Variants in PPP1R14A observed in about 807,000 individuals in gnomAD.
PPP1R14A encodes the protein protein phosphatase 1 regulatory inhibitor subunit 14A.
PPP1R14A carries 9 observed loss-of-function variants against 14.1 expected under a neutral mutation model. The ratio of observed to expected loss-of-function variants is 0.64; its 90% confidence interval spans 0.38 to 1.11. The LOEUF is 1.11. PPP1R14A is among the 50% of genes most tolerant of loss of function. The pLI, the probability that PPP1R14A is intolerant of heterozygous loss-of-function variation, is 0.01. For synonymous variants in PPP1R14A, 93 were observed against 88.7 expected (o/e 1.05, Z -0.27); for missense variants, 208 against 200.7 (o/e 1.04, Z -0.22).
At chr19:38,254,218 G>A (rs922044859) in intron 1 of PPP1R14A, among the ~76,000 whole-genome samples, 2 of 152,196 alleles carry the variant, frequency 1.3e-5, no homozygotes, top group Admixed American at 6.5e-5. Flanking sequence ...CTGTAATCCT[G>A]ACATTTTGGG....
intron 3 of PPP1R14A, among the ~76,000 whole-genome samples, 162 bp from the exon 4 acceptor site, chr19:38,251,608 G>A (rs1968191360): frequency 6.6e-6 from 1 of 152,068 alleles, no homozygotes; most frequent in African/African-American, 2.4e-5. Context: ...AAGTGAGCCG[G>A]GAGAAAGACA....
At chr19:38,253,176 G>A (rs1203659332) in intron 1 of PPP1R14A, 4 of 570,544 alleles carry the variant, frequency 7.0e-6, no homozygotes, top group South Asian at 2.0e-5. Context: ...AGAGAGCCCC[G>A]GGGCCCTGTA....
In PPP1R14A at chr19:38,252,207, G is replaced by A; in HGVS notation, c.315+99C>T. ...GTTGGGGCCGGGGGTGGTGGGGCCGGGTGGTGTTCCCCAGAGACCCTTCTG... is the reference window on the plus strand; with the variant it reads ...GTTGGGGCCGGGGGTGGTGGGGCCGAGTGGTGTTCCCCAGAGACCCTTCTG... On this transcript the variant is annotated intron_variant, in intron 3 of 3. Coordinates refer to ENST00000301242, the MANE Select transcript of PPP1R14A (RefSeq NM_033256.3). This position sits in a 1 kb window ranked among gnomAD's most constrained non-coding sequence, Gnocchi z 4.1. The A allele has an allele frequency of 8.3e-7, 1 of 1,205,308 alleles. No homozygotes were observed. Among genetic ancestry groups the A allele is most frequent in the Non-Finnish European group, 1.2e-6 (1 of 835,330 alleles). The allele number at this position is 1,205,308 out of a possible 1,614,324, so 74.7% of individuals were successfully genotyped here. A position where few individuals can be genotyped will look rare whatever the true frequency, so the allele number is the denominator to read the frequency against.
chr19:38,254,637 G>T (rs547824711), intron 1 of PPP1R14A, among the ~76,000 whole-genome samples: 1 of 152,006 alleles, frequency 6.6e-6, no homozygotes, highest in African/African-American at 2.4e-5. Context: ...AAAGAAAAAA[G>T]AAGTCACTGA....
chr19:38,251,544 C>G (rs1406489343), intron 3 of PPP1R14A, 98 bp from the exon 4 acceptor site: 1 of 1,053,374 alleles, frequency 9.5e-7, no homozygotes, highest in Non-Finnish European at 1.3e-6. Flanking sequence ...TCCTCCTGTT[C>G]TCTGATTGTG....
At chr19:38,255,228 A>G (rs753832068) in intron 1 of PPP1R14A, among the ~76,000 whole-genome samples, 2 of 152,062 alleles carry the variant, frequency 1.3e-5, no homozygotes, top group Non-Finnish European at 2.9e-5. Context: ...GGCTCAAGCA[A>G]TCCTCCCACC....
At chr19:38,251,838 T>G in intron 3 of PPP1R14A, 2 of 332,406 alleles carry the variant, frequency 6.0e-6, no homozygotes, top group Non-Finnish European at 5.5e-6. Context: ...AGAAATGCAA[T>G]GACGTTTGTC....
rs1248921295 is a variant in PPP1R14A at position 38,251,462 on chromosome 19, G to C, written c.316-16C>G. 1.9e-6 allele frequency: 3 copies of C among 1,558,002 alleles called. No individual in the cohort carries two copies. The highest frequency in any genetic ancestry group is 2.6e-6 in the Non-Finnish European group (3 of 1,161,628). ...GGATGAAGTCCTGAGACAGGGTGGG[G>C]GAGCTGAGAACATGGGAACAGTGCG... On this transcript the variant is annotated splice_polypyrimidine_tract_variant and intron_variant, in intron 3 of 3. Coordinates refer to ENST00000301242, the MANE Select transcript of PPP1R14A (RefSeq NM_033256.3).
chr19:38,251,789 A>G (rs1466283513), intron 3 of PPP1R14A: 1 of 368,884 alleles, frequency 2.7e-6, no homozygotes, highest in Non-Finnish European at 4.8e-6. Flanking sequence ...AAACAGAGAC[A>G]TGTGGAGACA....
chr19:38,253,105 G>A (rs548619046), intron 1 of PPP1R14A, 131 bp from the exon 2 acceptor site: 46 of 694,996 alleles, frequency 6.6e-5, no homozygotes, highest in Middle Eastern at 4.1e-4. Context: ...GTGGCAGTCC[G>A]GGACAGCACT....
At chr19:38,255,608 T>G in intron 1 of PPP1R14A, among the ~76,000 whole-genome samples, 1 of 151,516 alleles carries the variant, frequency 6.6e-6, no homozygotes, top group Non-Finnish European at 1.5e-5. Flanking sequence ...GTAGCATATG[T>G]TGAACTGTAG....
Position 38,251,407 on chromosome 19 carries a change from G to A in PPP1R14A, c.355C>T (p.His119Tyr). The A allele has an allele frequency of 1.9e-6, 3 of 1,565,122 alleles. No individual in the cohort carries two copies. The highest frequency in any genetic ancestry group is 2.6e-6 in the Non-Finnish European group (3 of 1,163,210). The change falls in exon 4 of 4, where the codon CAC becomes TAC. Residue 119 changes from histidine (H) to tyrosine (Y), a missense_variant. Transcript: ENST00000301242. ...QELLAKLQGL[H>Y]RQPGLRQPSP... Reference sequence around the variant, plus strand: ...GGCTGGCGGAGGCCGGGCTGCCTGTGGAGGCCTTGAAGCTTTGCCAGCAGC... The same window carrying A: ...GGCTGGCGGAGGCCGGGCTGCCTGTAGAGGCCTTGAAGCTTTGCCAGCAGC...
At chr19:38,254,655 A>C (rs546538585) in intron 1 of PPP1R14A, among the ~76,000 whole-genome samples, 13 of 152,044 alleles carry the variant, frequency 8.6e-5, no homozygotes, top group Non-Finnish European at 1.6e-4. Flanking sequence ...TGAAAGTGTG[A>C]CTTCAAGCAG....
chr19:38,252,109 G>C lies in PPP1R14A; in HGVS notation c.315+197C>G, dbSNP rs1368928579. 5 of 612,034 alleles carry C rather than the reference G, an allele frequency of 8.2e-6. No individual in the cohort carries two copies. The highest frequency in any genetic ancestry group is 1.5e-5 in the Non-Finnish European group (5 of 344,662). The allele number at this position is 612,034 out of a possible 1,614,324, so 37.9% of individuals were successfully genotyped here. On this transcript the variant is annotated intron_variant, in intron 3 of 3. Transcript: ENST00000301242. This position sits in a 1 kb window ranked among gnomAD's most constrained non-coding sequence, Gnocchi z 4.1. ...CAGAATGGAGCCCCCTCAGCAGATG[G>C]GGGAGAGAGGGAGAGAGACAAGTAG...
At chr19:38,253,500 G>A (rs924055576) in intron 1 of PPP1R14A, among the ~76,000 whole-genome samples, 3 of 152,176 alleles carry the variant, frequency 2.0e-5, no homozygotes, top group Admixed American at 6.5e-5. Flanking sequence ...TGGTGAGACC[G>A]AAGGGAGGAC....
rs1341406621 is a variant in PPP1R14A, at chr19:38,253,225, G to A, written c.202-251C>T. ...TGGGCCCATGGGCCCCGGGAGCCTC[G>A]GGGCTGGCACGGGTCTCTCGCCTTG... On this transcript the variant is annotated intron_variant, in intron 1 of 3. Coordinates refer to ENST00000301242, the MANE Select transcript of PPP1R14A (RefSeq NM_033256.3). 7.3e-5 allele frequency: 35 copies of A among 476,566 alleles called. No homozygotes were observed. In the East Asian group the frequency reaches 8.2e-4, roughly 11 times the overall value. The allele number at this position is 476,566 out of a possible 1,614,324, so 29.5% of individuals were successfully genotyped here. A position where few individuals can be genotyped will look rare whatever the true frequency, so the allele number is the denominator to read the frequency against.
In PPP1R14A at chr19:38,252,862, T is replaced by G. The variant is rs369758581; in HGVS notation, c.282+32A>C. 1 of 1,501,436 alleles carries G rather than the reference T, an allele frequency of 6.7e-7. No individual in the cohort carries two copies. The highest frequency in any genetic ancestry group is 9.3e-7 in the Non-Finnish European group (1 of 1,077,362). 93.0% of individuals were successfully genotyped at this position (1,501,436 alleles called of 1,614,324 possible). The stretch of plus-strand genomic sequence containing the variant: ...CTATTATTTTTAGGGAGGTGCAAAG[T>G]GGGAGGCTGGGGGACACGTCCCCCC... On this transcript the variant is annotated intron_variant, in intron 2 of 3. Transcript: ENST00000301242. The surrounding 1 kb of genome is among the most constrained non-coding windows in gnomAD (Gnocchi z 4.1).
At position 38,251,425 on chromosome 19, in the gene PPP1R14A, C is replaced by A; in HGVS notation, c.337G>T (p.Ala113Ser). 1 of 1,568,172 alleles carries A rather than the reference C, an allele frequency of 6.4e-7. No homozygotes were observed. The highest frequency in any genetic ancestry group is 8.6e-7 in the Non-Finnish European group (1 of 1,164,054). The change falls in exon 4 of 4, where the codon GCA becomes TCA. Residue 113 changes from alanine (A) to serine (S), a missense_variant. Coordinates refer to ENST00000301242, the MANE Select transcript of PPP1R14A (RefSeq NM_033256.3). ...PVEDFIQELLAKLQGLHRQPG... is the reference protein window; with the variant it reads ...PVEDFIQELLSKLQGLHRQPG... ...TGCCTGTGGAGGCCTTGAAGCTTTG[C>A]CAGCAGCTCCTGGATGAAGTCCTGA...
chr19:38,252,804 C>A lies in PPP1R14A; in HGVS notation c.282+90G>T. 1.0e-6 allele frequency: 1 copy of A among 958,056 alleles called. No homozygotes were observed. The highest frequency in any genetic ancestry group is 1.3e-5 in the South Asian group (1 of 76,396). 59.3% of individuals were successfully genotyped at this position (958,056 alleles called of 1,614,324 possible). ...AAGCCATCACACCAGTGCCCGGCAT[C>A]TAGTGAGCACTCAGTAAACACGTGA... On this transcript the variant is annotated intron_variant, in intron 2 of 3. Coordinates refer to ENST00000301242, the MANE Select transcript of PPP1R14A (RefSeq NM_033256.3). This position sits in a 1 kb window ranked among gnomAD's most constrained non-coding sequence, Gnocchi z 4.1.
Sources: gnomAD v4.1 joint callset for allele counts (sites outside exome capture counted in the v4.1 genomes callset) on GRCh38, gnomAD v4.1.1 for gene constraint, Gnocchi (gnomAD v3.1) non-coding constraint, MANE v1.5 for transcripts, NCBI Gene and HGNC (gene_info 2026-07-23, HGNC 2026-07-21) for gene names.